ZC3H12B: variants seen among roughly 807,000 people sequenced by gnomAD.
ZC3H12B encodes the protein probable ribonuclease ZC3H12B.
In ZC3H12B, 7 loss-of-function variants were observed where a neutral mutation model predicts 43.9. The observed-to-expected ratio is 0.16, with a 90% confidence interval of 0.09 to 0.30. The LOEUF (loss-of-function observed/expected upper bound fraction) is 0.30, where lower values mean the gene tolerates loss of function less well. Among genes scored for constraint, ZC3H12B ranks in the 10% least tolerant of loss-of-function variants. The pLI is 1.00. For missense variants in ZC3H12B, 475 were observed against 670.2 expected (o/e 0.71, Z 3.22); for synonymous variants, 222 against 241.7 (o/e 0.92, Z 0.76).
chrX:65,211,745 A>T, the ZC3H12B span, among the ~76,000 whole-genome samples: 2 of 85,501 alleles, frequency 2.3e-5, no homozygotes, highest in East Asian at 3.6e-4. Flanking sequence ...TATATATATT[A>T]TATAATATAT....
At chrX:65,059,778 G>T in the ZC3H12B span, among the ~76,000 whole-genome samples, 2 of 111,809 alleles carry the variant, frequency 1.8e-5, no homozygotes, top group Non-Finnish European at 3.8e-5. Context: ...TTGGTATTTT[G>T]ATAGGGATTG....
intron 2 of ZC3H12B, among the ~76,000 whole-genome samples, chrX:65,378,409 T>C (rs2066380465): frequency 9.0e-6 from 1 of 110,940 alleles, no homozygotes; most frequent in Admixed American, 9.6e-5. Context: ...AAATAATGGG[T>C]TATAAGATAG....
the ZC3H12B span, among the ~76,000 whole-genome samples, chrX:65,122,878 C>G: frequency 9.0e-6 from 1 of 111,627 alleles, no homozygotes; most frequent in Non-Finnish European, 1.9e-5. Flanking sequence ...CACCCAGATT[C>G]ATAAAGTGAG....
chrX:65,154,935 AG>A, the ZC3H12B span, among the ~76,000 whole-genome samples: 1 of 110,884 alleles, frequency 9.0e-6, no homozygotes, highest in African/African-American at 3.3e-5. Context: ...TATTAGCTCA[AG>A]GAAGTTCCCT....
chrX:65,207,857 C>G, the ZC3H12B span, among the ~76,000 whole-genome samples: 178 of 37,693 alleles, frequency 4.7e-3, no homozygotes, highest in African/African-American at 0.019. Flanking sequence ...TTTCCTTGAG[C>G]AGTGGTTTGT....
chrX:65,312,493 C>A, the ZC3H12B span, among the ~76,000 whole-genome samples: 1 of 105,465 alleles, frequency 9.5e-6, no homozygotes, highest in Non-Finnish European at 1.9e-5. Flanking sequence ...TGAGGAAAAA[C>A]CCATCTCTTT....
the ZC3H12B span, among the ~76,000 whole-genome samples, chrX:65,196,975 G>T: frequency 8.9e-6 from 1 of 112,006 alleles, no homozygotes; most frequent in African/African-American, 3.2e-5. Flanking sequence ...AAAGGGTTAA[G>T]AAAAGGCATT....
At chrX:65,406,602 C>CGGGGATGGGCGGGGA (rs2066827550) in intron 3 of ZC3H12B, among the ~76,000 whole-genome samples, 2 of 20,210 alleles carry the variant, frequency 9.9e-5, no homozygotes, top group African/African-American at 1.8e-4. Context: ...CTGGGCGGGG[C>CGGGGATGGGCGGGGA]TGGGCGGGGC....
At chrX:65,280,949 T>C in the ZC3H12B span, among the ~76,000 whole-genome samples, 1 of 111,937 alleles carries the variant, frequency 8.9e-6, no homozygotes, top group African/African-American at 3.3e-5. Flanking sequence ...AAAATGGCAA[T>C]ACAACCCAAA....
chrX:65,505,512 A>G (rs2068416643), exon 5 of ZC3H12B: 1 of 112,955 alleles, frequency 8.9e-6, no homozygotes, highest in Non-Finnish European at 1.9e-5. Context: ...ATTTTCTATC[A>G]ATCAGGTAGA....
At chrX:65,458,355 A>C (rs1041450060) in intron 3 of ZC3H12B, among the ~76,000 whole-genome samples, 30 of 111,270 alleles carry the variant, frequency 2.7e-4, no homozygotes, top group Non-Finnish European at 5.1e-4. Flanking sequence ...TGCACGAAGC[A>C]GACCTAATAG....
chrX:65,182,004 A>T, the ZC3H12B span, among the ~76,000 whole-genome samples: 5 of 111,945 alleles, frequency 4.5e-5, no homozygotes, highest in African/African-American at 9.7e-5. Context: ...AACCAACCCA[A>T]ATGCCCATCT....
the ZC3H12B span, among the ~76,000 whole-genome samples, chrX:65,143,503 T>C: frequency 1.8e-5 from 2 of 110,757 alleles, no homozygotes; most frequent in African/African-American, 6.6e-5. Flanking sequence ...TATTGACTTG[T>C]GTATGTTAAA....
chrX:65,195,973 A>T, the ZC3H12B span, among the ~76,000 whole-genome samples: 1 of 111,724 alleles, frequency 9.0e-6, no homozygotes, highest in Non-Finnish European at 1.9e-5. Flanking sequence ...TCACTTTTTG[A>T]TGAGGGCCAA....
At chrX:65,215,736 G>T in the ZC3H12B span, among the ~76,000 whole-genome samples, 3 of 111,836 alleles carry the variant, frequency 2.7e-5, no homozygotes, top group East Asian at 8.5e-4. Flanking sequence ...CTGTTTGGCA[G>T]AAGAGGCCTA....
chrX:65,409,274 T>C (rs1164291503), intron 3 of ZC3H12B, among the ~76,000 whole-genome samples: 2 of 110,782 alleles, frequency 1.8e-5, no homozygotes, highest in Admixed American at 1.9e-4. Flanking sequence ...ATGAAAGCCA[T>C]TTTTAAAACT....
the ZC3H12B span, among the ~76,000 whole-genome samples, chrX:65,195,556 G>C: frequency 8.9e-6 from 1 of 111,855 alleles, no homozygotes; most frequent in Non-Finnish European, 1.9e-5. Flanking sequence ...TCTATGTCTT[G>C]AAAAGATATT....
At chrX:65,135,157 T>G in the ZC3H12B span, among the ~76,000 whole-genome samples, 1 of 111,482 alleles carries the variant, frequency 9.0e-6, no homozygotes, top group Non-Finnish European at 1.9e-5. Flanking sequence ...TGTTATTTTT[T>G]TCCTAGTGAA....
intron 3 of ZC3H12B, chrX:65,408,108 C>A: frequency 8.4e-7 from 1 of 1,197,010 alleles, no homozygotes; most frequent in Non-Finnish European, 1.1e-6. Context: ...CGGCACCCGA[C>A]GCCGCACCAG....
Sources: gnomAD v4.1 joint callset for allele counts (sites outside exome capture counted in the v4.1 genomes callset) on GRCh38, gnomAD v4.1.1 for gene constraint, MANE v1.5 for transcripts, NCBI Gene and HGNC (gene_info 2026-07-23, HGNC 2026-07-21) for gene names.